Variants in CLYBL observed in about 807,000 individuals in gnomAD.
CLYBL encodes citramalyl-CoA lyase, also known as citramalyl-CoA lyase, mitochondrial.
Under a neutral mutation model 38.9 loss-of-function variants are expected in CLYBL, and 31 were observed. The observed-to-expected ratio is 0.80, with a 90% CI of 0.60 to 1.08. The LOEUF (loss-of-function observed/expected upper bound fraction) is 1.08, where lower values mean the gene tolerates loss of function less well. Ranked by LOEUF, CLYBL falls within the 50% of genes least tolerant of loss-of-function variation. CLYBL has a pLI of 0.00. For synonymous variants in CLYBL, 171 were observed against 158.6 expected (o/e 1.08, Z -0.59); for missense variants, 434 against 411.6 (o/e 1.05, Z -0.47).
intron 2 of CLYBL, among the ~76,000 whole-genome samples, chr13:99,811,600 T>C (rs1001240951): frequency 2.6e-5 from 4 of 152,138 alleles, no homozygotes; most frequent in African/African-American, 7.2e-5. Flanking sequence ...CAGTTGCCCA[T>C]TGGGGACCTG....
intron 1 of CLYBL, among the ~76,000 whole-genome samples, chr13:99,633,201 A>AC: frequency 1.7e-5 from 2 of 116,886 alleles, no homozygotes; most frequent in Admixed American, 1.0e-4. Context: ...ACAGAGCAAG[A>AC]TCCTGTCTCA....
chr13:99,718,522 C>A (rs1486469706), intron 1 of CLYBL, among the ~76,000 whole-genome samples: 1 of 152,092 alleles, frequency 6.6e-6, no homozygotes, highest in Admixed American at 6.5e-5. Context: ...ACCAGCAAAC[C>A]AATTCAGCAT....
chr13:99,858,662 C>T (rs2051519138), intron 2 of CLYBL, among the ~76,000 whole-genome samples, 199 bp from the exon 3 acceptor site: 3 of 152,162 alleles, frequency 2.0e-5, no homozygotes, highest in Admixed American at 6.5e-5. Context: ...ATAGCTATCG[C>T]GAATGAAACC....
chr13:99,650,149 G>C (rs1480557679), intron 1 of CLYBL, among the ~76,000 whole-genome samples: 2 of 151,988 alleles, frequency 1.3e-5, no homozygotes, highest in Non-Finnish European at 2.9e-5. Flanking sequence ...TATAGTCCCA[G>C]CTACTCGGGA....
chr13:99,770,386 T>A (rs1046352471), intron 1 of CLYBL, among the ~76,000 whole-genome samples: 2 of 152,038 alleles, frequency 1.3e-5, no homozygotes, highest in Non-Finnish European at 2.9e-5. Flanking sequence ...GGCGCAATCT[T>A]GGCTCACTGC....
chr13:99,795,674 C>T (rs1566330359), intron 2 of CLYBL, among the ~76,000 whole-genome samples: 1 of 152,014 alleles, frequency 6.6e-6, no homozygotes, highest in Non-Finnish European at 1.5e-5. Context: ...AAAACAAAAA[C>T]TCTCCCTAAA....
chr13:99,819,416 TTATATATATATATATATATA>T lies in CLYBL; in HGVS notation c.250-39412_250-39393del, dbSNP rs71715024. ...ACTTGTATTATCACTGGGAAAAAAT[TTATATATATATATATATATA>T]TATATATATATATATATATATATAT... is the stretch of plus-strand genomic sequence containing the variant. On this transcript the variant is annotated intron_variant, in intron 2 of 8. Transcript: ENST00000339105. Among the ~76,000 whole-genome samples the T allele has an allele frequency of 9.6e-3, 177 of 18,380 alleles. 4 individuals are homozygous for T. The highest frequency in any genetic ancestry group is 0.035 in the African/African-American group (144 of 4,142). 12.1% of individuals were successfully genotyped at this position (18,380 alleles called of 152,430 possible).
chr13:99,719,696 TG>T (rs1266275244), intron 1 of CLYBL, among the ~76,000 whole-genome samples: 2 of 151,810 alleles, frequency 1.3e-5, no homozygotes, highest in African/African-American at 4.8e-5. Flanking sequence ...TTAGTAGAGA[TG>T]GGGTTTCACT....
chr13:99,773,449 A>T (rs2049443390), intron 2 of CLYBL, among the ~76,000 whole-genome samples: 2 of 152,198 alleles, frequency 1.3e-5, no homozygotes, highest in South Asian at 4.1e-4. Flanking sequence ...GCCTCCTGTC[A>T]GATCAGCAGT....
chr13:99,875,725 C>T (rs2052021946), intron 7 of CLYBL, among the ~76,000 whole-genome samples: 1 of 152,208 alleles, frequency 6.6e-6, no homozygotes, highest in Non-Finnish European at 1.5e-5. Context: ...TATCCTCCCA[C>T]ACCCATCCAG....
At chr13:99,610,380 C>G (rs78875601) in intron 1 of CLYBL, among the ~76,000 whole-genome samples, 300 of 152,156 alleles carry the variant, frequency 2.0e-3, no homozygotes, top group African/African-American at 7.0e-3. Context: ...TTTTTGAAAA[C>G]TGGACATTTT....
chr13:99,781,097 A>G (rs1027303698), intron 2 of CLYBL, among the ~76,000 whole-genome samples: 6 of 150,946 alleles, frequency 4.0e-5, no homozygotes, highest in Non-Finnish European at 8.9e-5. Flanking sequence ...CACCTGTTTC[A>G]TGTTTCTTTT....
chr13:99,867,503 C>T (rs906835310), intron 6 of CLYBL, among the ~76,000 whole-genome samples: 1 of 151,720 alleles, frequency 6.6e-6, no homozygotes, highest in Non-Finnish European at 1.5e-5. Context: ...AATATGACCC[C>T]CCCCAATTTT....
At chr13:99,766,960 T>C (rs946119207) in intron 1 of CLYBL, among the ~76,000 whole-genome samples, 2 of 152,224 alleles carry the variant, frequency 1.3e-5, no homozygotes, top group African/African-American at 4.8e-5. Context: ...GGGATGGTAG[T>C]CCCACCTCCC....
chr13:99,787,861 C>T (rs1251879342), intron 2 of CLYBL, among the ~76,000 whole-genome samples: 1 of 152,128 alleles, frequency 6.6e-6, no homozygotes, highest in Admixed American at 6.6e-5. Context: ...TGTTTGTATC[C>T]TCTTTTATTT....
chr13:99,715,820 A>G (rs1762753023), intron 1 of CLYBL, among the ~76,000 whole-genome samples: 1 of 152,112 alleles, frequency 6.6e-6, no homozygotes. Context: ...GCAGGAAGTT[A>G]GTAGTCAGTG....
At chr13:99,798,513 C>T (rs930133987) in intron 2 of CLYBL, among the ~76,000 whole-genome samples, 2 of 152,174 alleles carry the variant, frequency 1.3e-5, no homozygotes, top group African/African-American at 2.4e-5. Flanking sequence ...AAATAGTTGG[C>T]TCCCTCTGTA....
At position 99,703,592 on chromosome 13, in the gene CLYBL, T is replaced by G. The variant is rs540244391; in HGVS notation, c.63-69232T>G. 1.2e-4 allele frequency among the ~76,000 whole-genome samples: 19 copies of G among 152,244 alleles called. No individual in the cohort carries two copies. The South Asian group carries it at 1.7e-3, about 13-fold the overall frequency. ...CACCGTGTTAGCCAGAGTAGTCCGA[T>G]CTCCTGACCTCGTGATCCGCCCACC... On this transcript the variant is annotated intron_variant, in intron 1 of 8. Transcript: ENST00000339105.
At chr13:99,764,583 A>G (rs1440645462) in intron 1 of CLYBL, among the ~76,000 whole-genome samples, 5 of 151,830 alleles carry the variant, frequency 3.3e-5, no homozygotes, top group South Asian at 4.2e-4. Context: ...CTCAATTGTT[A>G]TGTCTCCTTT....
Sources: gnomAD v4.1 joint callset for allele counts (sites outside exome capture counted in the v4.1 genomes callset) on GRCh38, gnomAD v4.1.1 for gene constraint, MANE v1.5 for transcripts, NCBI Gene and HGNC (gene_info 2026-07-23, HGNC 2026-07-21) for gene names.